The following MME variants were observed in gnomAD, a reference collection of about 807,000 sequenced individuals.
MME encodes membrane metalloendopeptidase.
Under a neutral mutation model 113.2 loss-of-function variants are expected in MME, and 98 were observed. The ratio of observed to expected loss-of-function variants is 0.87; its 90% confidence interval spans 0.74 to 1.02. MME has a LOEUF of 1.02. MME is among the 50% of genes least tolerant of loss of function. The pLI is 0.00. For missense variants in MME, 836 were observed against 896.0 expected (o/e 0.93, Z 0.86); for synonymous variants, 292 against 300.6 (o/e 0.97, Z 0.30).
At chr3:155,173,449 C>T (rs1165302932) in intron 22 of MME, among the ~76,000 whole-genome samples, 1 of 151,860 alleles carries the variant, frequency 6.6e-6, no homozygotes, top group Non-Finnish European at 1.5e-5. Flanking sequence ...AGCATACTGC[C>T]CAGATCATTT....
At chr3:155,048,281 C>T (rs2108125951) in intron 1 of MME, among the ~76,000 whole-genome samples, 1 of 152,262 alleles carries the variant, frequency 6.6e-6, no homozygotes, top group Middle Eastern at 3.4e-3. Flanking sequence ...GGGGCCTGCT[C>T]TTAGAGCAGA....
intron 3 of MME, among the ~76,000 whole-genome samples, chr3:155,091,033 C>T (rs1381373817): frequency 1.3e-5 from 2 of 152,144 alleles, no homozygotes; most frequent in East Asian, 3.9e-4. Context: ...GGGCTACTGG[C>T]CCTGTAGCAG....
chr3:155,052,658 A>G (rs1713800477), intron 1 of MME, among the ~76,000 whole-genome samples: 1 of 152,040 alleles, frequency 6.6e-6, no homozygotes, highest in African/African-American at 2.4e-5. Flanking sequence ...CCACAAAACC[A>G]TTTTTTCCTC....
At chr3:155,168,446 T>C (rs1711559873) in intron 18 of MME, 46 bp from the exon 19 acceptor site, 1 of 1,513,650 alleles carries the variant, frequency 6.6e-7, no homozygotes, top group Non-Finnish European at 9.1e-7. Flanking sequence ...ATCTTATAAT[T>C]CTTGTTGCAA....
At position 155,042,968 on chromosome 3, in the gene MME, T is replaced by TAAGTATAGAA. The variant is rs1185230881; in HGVS notation, c.-11+18647_-11+18656dup. On this transcript the variant is annotated intron_variant, in intron 1 of 22. Transcript: ENST00000492661. The stretch of plus-strand genomic sequence containing the variant: ...TATATATATATATATATCACATTTG[T>TAAGTATAGAA]AAGTATAGAAAAATCACCATTTGTA... Among the ~76,000 whole-genome samples the TAAGTATAGAA allele has an allele frequency of 6.4e-5, 8 of 125,798 alleles. No homozygotes were observed. The South Asian group carries it at 1.3e-3, about 21-fold the overall frequency. The allele number at this position is 125,798 out of a possible 152,430, so 82.5% of individuals were successfully genotyped here.
intron 18 of MME, among the ~76,000 whole-genome samples, chr3:155,167,912 C>G (rs1711516139): frequency 6.6e-6 from 1 of 152,110 alleles, no homozygotes. Flanking sequence ...TTCTTAATCA[C>G]TACGTCATAG....
chr3:155,145,736 C>T (rs1032273602), intron 14 of MME, among the ~76,000 whole-genome samples: 3 of 152,124 alleles, frequency 2.0e-5, no homozygotes, highest in African/African-American at 7.2e-5. Context: ...AGCATTTACC[C>T]GAAGTAATTC....
chr3:155,042,459 G>C (rs903565922), intron 1 of MME, among the ~76,000 whole-genome samples: 15 of 152,114 alleles, frequency 9.9e-5, no homozygotes, highest in African/African-American at 3.6e-4. Context: ...TCAGGGAGTA[G>C]AAGAAAGATA....
intron 16 of MME, 39 bp from the exon 17 acceptor site, chr3:155,160,351 T>G (rs1217736693): frequency 7.5e-7 from 1 of 1,326,780 alleles, no homozygotes; most frequent in Admixed American, 1.7e-5. Context: ...AATCAGATAA[T>G]GCAGTATCAT....
At chr3:155,063,235 T>C (rs1227240383) in intron 1 of MME, among the ~76,000 whole-genome samples, 3 of 111,722 alleles carry the variant, frequency 2.7e-5, no homozygotes, top group Non-Finnish European at 3.5e-5. Context: ...TATATTATTA[T>C]ATATTATATA....
intron 1 of MME, among the ~76,000 whole-genome samples, chr3:155,068,107 A>C (rs1056975835): frequency 5.9e-5 from 9 of 152,224 alleles, no homozygotes; most frequent in African/African-American, 2.2e-4. Flanking sequence ...TAAACAAAAG[A>C]ATGAACTAAT....
chr3:155,146,469 T>C (rs537659576), intron 14 of MME, among the ~76,000 whole-genome samples: 2 of 151,904 alleles, frequency 1.3e-5, no homozygotes, highest in African/African-American at 4.8e-5. Flanking sequence ...GAGATTGCAG[T>C]GAGCCCTGAT....
At chr3:155,091,091 G>GA (rs1716254618) in intron 3 of MME, among the ~76,000 whole-genome samples, 1 of 152,134 alleles carries the variant, frequency 6.6e-6, no homozygotes, top group Admixed American at 6.5e-5. Flanking sequence ...GTTAAGTTTG[G>GA]AAAAAATCCT....
intron 3 of MME, among the ~76,000 whole-genome samples, chr3:155,113,368 C>T (rs1202201861): frequency 1.3e-5 from 2 of 152,174 alleles, no homozygotes; most frequent in Non-Finnish European, 1.5e-5. Context: ...CAACCTCCAC[C>T]TCCCGAGTTC....
intron 1 of MME, among the ~76,000 whole-genome samples, chr3:155,050,339 G>A (rs993859538): frequency 5.9e-5 from 9 of 152,000 alleles, no homozygotes; most frequent in African/African-American, 2.2e-4. Context: ...TATTCCTTTG[G>A]TTATATACCC....
chr3:155,166,927 C>T lies in MME; in HGVS notation c.1686C>T (p.Pro562=). 1.2e-6 allele frequency: 2 copies of T among 1,613,724 alleles called. No homozygotes were observed. The highest frequency in any genetic ancestry group is 1.7e-6 in the Non-Finnish European group (2 of 1,179,762). Reference sequence around the variant, plus strand: ...TCTTCCCAGCCGGCATTCTGCAGCCCCCCTTCTTTAGTGCCCAGCAGTCCA... The same window carrying T: ...TCTTCCCAGCCGGCATTCTGCAGCCTCCCTTCTTTAGTGCCCAGCAGTCCA... The part of the protein sequence containing the change: ...QIVFPAGILQ[P]PFFSAQQSNS... The change falls in exon 18 of 23, where the codon CCC becomes CCT. Residue 562 remains proline, a synonymous_variant. Transcript: ENST00000360490.
At chr3:155,168,822 A>G (rs760990639) in intron 20 of MME, 25 bp downstream of exon 20, 1 of 1,574,344 alleles carries the variant, frequency 6.4e-7, no homozygotes, top group Non-Finnish European at 8.7e-7. Flanking sequence ...TTTTCTTTCC[A>G]TTTTAGTGAT....
chr3:155,044,311 T>C (rs547478998), intron 1 of MME, among the ~76,000 whole-genome samples: 4 of 151,590 alleles, frequency 2.6e-5, no homozygotes, highest in African/African-American at 9.7e-5. Flanking sequence ...TTTTGTATTA[T>C]TAGTACAGAT....
intron 8 of MME, among the ~76,000 whole-genome samples, chr3:155,133,062 A>AATATATAT (rs1553762420): frequency 1.3e-5 from 1 of 75,102 alleles, no homozygotes; most frequent in Non-Finnish European, 2.6e-5. Flanking sequence ...AAAAAAAAAA[A>AATATATAT]ATATATATAT....
Sources: allele counts gnomAD v4.1 joint callset (sites outside exome capture counted in the v4.1 genomes callset), GRCh38; gene constraint gnomAD v4.1.1; transcripts MANE v1.5; gene names NCBI Gene and HGNC (gene_info 2026-07-23, HGNC 2026-07-21).